SPEF2: variants seen among roughly 807,000 people sequenced by gnomAD.
SPEF2 encodes the protein sperm flagellar and cilia associated 2, also known as sperm flagella and cilia-associated protein 2.
A neutral mutation model predicts 224.6 loss-of-function variants in SPEF2; 187 were observed. The observed-to-expected ratio is 0.83, with a 90% CI of 0.74 to 0.94. The LOEUF is 0.94. SPEF2 is among the 40% of genes least tolerant of loss of function. The pLI, the probability that SPEF2 is intolerant of heterozygous loss-of-function variation, is 0.00. For synonymous variants in SPEF2, 715 were observed against 707.3 expected (o/e 1.01, Z -0.17); for missense variants, 2,170 against 2,135.6 (o/e 1.02, Z -0.32).
At chr5:35,659,731 T>A (rs1468064096) in intron 8 of SPEF2, among the ~76,000 whole-genome samples, 1 of 151,276 alleles carries the variant, frequency 6.6e-6, no homozygotes, top group East Asian at 1.9e-4. Context: ...GAGTCATTAC[T>A]TTTTTTTTAG....
intron 9 of SPEF2, among the ~76,000 whole-genome samples, chr5:35,668,252 A>G (rs1750791271): frequency 1.3e-5 from 2 of 152,154 alleles, no homozygotes; most frequent in African/African-American, 4.8e-5. Context: ...AAAACTGATA[A>G]CAATCCAGAT....
Position 35,695,798 on chromosome 5 carries a change from T to C in SPEF2, c.2037+2T>C. 1.2e-6 allele frequency: 2 copies of C among 1,601,096 alleles called. No individual in the cohort carries two copies. Among genetic ancestry groups the C allele is most frequent in the Non-Finnish European group, 1.7e-6 (2 of 1,171,910 alleles). On this transcript the variant is annotated splice_donor_variant, in intron 14 of 36. Transcript: ENST00000356031. LOFTEE classifies it high-confidence loss of function. ...AAATCAAGTGATAGTTTCTTAAAAG[T>C]AAGTATTATGATCTAATTTTAGCTA... is the stretch of plus-strand genomic sequence containing the variant.
chr5:35,787,521 C>T (rs1755327752), intron 30 of SPEF2, among the ~76,000 whole-genome samples: 1 of 152,238 alleles, frequency 6.6e-6, no homozygotes, highest in African/African-American at 2.4e-5. Flanking sequence ...GGGAAGTGTA[C>T]AAACAGGCTG....
At chr5:35,654,867 C>A in intron 7 of SPEF2, 141 bp downstream of exon 7, 1 of 632,312 alleles carries the variant, frequency 1.6e-6, no homozygotes, top group East Asian at 3.1e-5. Flanking sequence ...ATCATAATAG[C>A]AAATATACTA....
Position 35,708,841 on chromosome 5 carries a change from T to A in SPEF2, c.2666-107T>A, listed in dbSNP as rs1740539788. ...AAAGCCCTAAAGCATGAATTAGCTTTAAATACGTAAGATTGTTTTATATTA... is the reference window on the plus strand; with the variant it reads ...AAAGCCCTAAAGCATGAATTAGCTTAAAATACGTAAGATTGTTTTATATTA... On this transcript the variant is annotated intron_variant, in intron 18 of 36. Transcript: ENST00000356031. 4 of 1,069,420 alleles carry A rather than the reference T, an allele frequency of 3.7e-6. No individual in the cohort carries two copies. In the East Asian group the frequency reaches 1.0e-4, roughly 27 times the overall value. 66.2% of individuals were successfully genotyped at this position (1,069,420 alleles called of 1,614,324 possible). A position where few individuals can be genotyped will look rare whatever the true frequency, so the allele number is the denominator to read the frequency against.
At chr5:35,664,592 AT>A (rs1349168975) in intron 8 of SPEF2, among the ~76,000 whole-genome samples, 1 of 151,982 alleles carries the variant, frequency 6.6e-6, no homozygotes, top group Non-Finnish European at 1.5e-5. Context: ...AGGCAGGAGA[AT>A]TGCTTGAACC....
At chr5:35,804,332 C>T (rs1189807444) in intron 34 of SPEF2, among the ~76,000 whole-genome samples, 1 of 152,156 alleles carries the variant, frequency 6.6e-6, no homozygotes, top group Non-Finnish European at 1.5e-5. Context: ...CAGTCTGTTC[C>T]CCTGCTTAGA....
chr5:35,704,631 G>A lies in SPEF2; in HGVS notation c.2476G>A (p.Asp826Asn), dbSNP rs1739368059. The change falls in exon 17 of 37, where the codon GAC becomes AAC. Residue 826 changes from aspartate (D) to asparagine (N), a missense_variant. Transcript: ENST00000356031. ...TGCTGAAAACCAAGATAAGGATGGA[G>A]ACCAAAATTTAAGAGACCAGATACA... The part of the protein sequence containing the change: ...VAAENQDKDG[D>N]QNLRDQIQHR... The A allele has an allele frequency of 2.5e-6, 4 of 1,612,424 alleles. No homozygotes were observed. The highest frequency in any genetic ancestry group is 2.5e-6 in the Non-Finnish European group (3 of 1,178,920).
chr5:35,667,125 G>C lies in SPEF2; in HGVS notation c.1221G>C (p.Lys407Asn). Residue 407 changes from lysine (K) to asparagine (N), a missense_variant, in exon 9 of 37, where the codon AAG (lysine) becomes AAC (asparagine). Transcript: ENST00000356031. ...IDFEEQFLKE[K>N]RFHDQIAVER... ...TTGAAGAACAATTCCTTAAAGAAAAGAGATTTCATGATCAGATTGCTGTGG... is the reference window on the plus strand; with the variant it reads ...TTGAAGAACAATTCCTTAAAGAAAACAGATTTCATGATCAGATTGCTGTGG... 6.2e-7 allele frequency: 1 copy of C among 1,610,420 alleles called. No individual in the cohort carries two copies. Among genetic ancestry groups the C allele is most frequent in the Non-Finnish European group, 8.5e-7 (1 of 1,178,998 alleles).
chr5:35,621,990 A>G (rs1743586966), intron 1 of SPEF2, among the ~76,000 whole-genome samples: 1 of 152,208 alleles, frequency 6.6e-6, no homozygotes, highest in Non-Finnish European at 1.5e-5. Flanking sequence ...TGAAATTACA[A>G]TAGTTGTGAA....
At chr5:35,650,698 A>G (rs1748068864) in intron 6 of SPEF2, among the ~76,000 whole-genome samples, 2 of 152,146 alleles carry the variant, frequency 1.3e-5, no homozygotes, top group African/African-American at 2.4e-5. Context: ...ATCCATGTCT[A>G]TTGGTTAGTG....
At chr5:35,734,868 C>T (rs763130540) in intron 21 of SPEF2, among the ~76,000 whole-genome samples, 14 of 151,748 alleles carry the variant, frequency 9.2e-5, no homozygotes, top group Admixed American at 2.6e-4. Context: ...CATGCCACCA[C>T]GCCTGGCTAA....
intron 23 of SPEF2, among the ~76,000 whole-genome samples, chr5:35,751,206 A>T (rs1749590798): frequency 6.9e-6 from 1 of 145,842 alleles, no homozygotes; most frequent in Admixed American, 6.9e-5. Flanking sequence ...TTCTAAGTAA[A>T]GTAACTCAGG....
intron 23 of SPEF2, among the ~76,000 whole-genome samples, chr5:35,750,229 A>G (rs1749200033): frequency 6.6e-6 from 1 of 152,194 alleles, no homozygotes; most frequent in Non-Finnish European, 1.5e-5. Context: ...TCTTAAACAT[A>G]AGACCTGAAA....
Position 35,746,806 on chromosome 5 carries a change from C to A in SPEF2, c.3330+6539C>A, listed in dbSNP as rs534964661. On this transcript the variant is annotated intron_variant, in intron 23 of 36. Transcript: ENST00000356031. The stretch of plus-strand genomic sequence containing the variant: ...CGCTAGAGACCTAAACATTCAAACA[C>A]AAGAAGTACAAAGAACACCTGGGAA... Among the ~76,000 whole-genome samples the A allele has an allele frequency of 2.6e-5, 4 of 152,216 alleles. No individual in the cohort carries two copies. The South Asian group carries it at 8.3e-4, about 32-fold the overall frequency.
At chr5:35,725,424 AAACAAC>A (rs560382919) in intron 20 of SPEF2, among the ~76,000 whole-genome samples, 3 of 152,018 alleles carry the variant, frequency 2.0e-5, no homozygotes, top group Non-Finnish European at 4.4e-5. Flanking sequence ...TCTTAAAAGA[AAACAAC>A]AACAACAACA....
At chr5:35,632,564 T>G (rs1289530816) in intron 2 of SPEF2, among the ~76,000 whole-genome samples, 3 of 152,192 alleles carry the variant, frequency 2.0e-5, no homozygotes, top group Admixed American at 6.5e-5. Flanking sequence ...TATCAGCTAC[T>G]TTATTATTTC....
In SPEF2 at chr5:35,641,670, A is replaced by C; in HGVS notation, c.401A>C (p.Asp134Ala). 2 of 1,612,900 alleles carry C rather than the reference A, an allele frequency of 1.2e-6. No individual in the cohort carries two copies. Among genetic ancestry groups the C allele is most frequent in the Non-Finnish European group, 1.7e-6 (2 of 1,179,458 alleles). ...TNLRLQNMKSDTFQERLRHMI... is the reference protein window; with the variant it reads ...TNLRLQNMKSATFQERLRHMI... ...TTAAGACTTCAAAACATGAAAAGTG[A>C]TACTTTTCAAGAGGTAGGTACATAA... is the stretch of plus-strand genomic sequence containing the variant. Residue 134 changes from aspartate to alanine, a missense_variant, in exon 3 of 37, where the codon GAT becomes GCT. Physicochemically the swap from Asp to Ala is moderately radical, Grantham distance 126. Transcript: ENST00000356031.
rs1747432277 is a variant in SPEF2 at position 35,646,787 on chromosome 5, A to T, written c.706A>T (p.Lys236Ter). 6 of 1,613,770 alleles carry T rather than the reference A, an allele frequency of 3.7e-6. No individual in the cohort carries two copies. In the South Asian group the frequency reaches 5.5e-5, roughly 15 times the overall value. The part of the protein sequence containing the change: ...LKALEAQKMM[K>*]KKKEAEDVAD... The stretch of plus-strand genomic sequence containing the variant: ...AGCACTCGAGGCCCAAAAAATGATG[A>T]AAAAGAAAAAAGAGGCAGAAGTAAG... Residue 236 changes from lysine to a stop codon, truncating the protein, a stop_gained, in exon 5 of 37, where the codon AAA becomes TAA. Coordinates refer to ENST00000356031, the MANE Select transcript of SPEF2 (RefSeq NM_024867.4). LOFTEE classifies it high-confidence loss of function.
Sources: gnomAD v4.1 joint callset for allele counts (sites outside exome capture counted in the v4.1 genomes callset) on GRCh38, gnomAD v4.1.1 for gene constraint, MANE v1.5 for transcripts, NCBI Gene and HGNC (gene_info 2026-07-23, HGNC 2026-07-21) for gene names.